PAPPA2: variants seen among roughly 807,000 people sequenced by gnomAD.
PAPPA2 encodes the protein pappalysin-2.
A neutral mutation model predicts 176.4 loss-of-function variants in PAPPA2; 86 were observed. The ratio of observed to expected loss-of-function variants is 0.49; its 90% CI spans 0.41 to 0.58. The LOEUF (loss-of-function observed/expected upper bound fraction) is 0.58. PAPPA2 is among the 20% of genes least tolerant of loss of function. The pLI is 0.00. For missense variants in PAPPA2, 2,073 were observed against 2,256.9 expected (o/e 0.92, Z 1.65); for synonymous variants, 809 against 852.2 (o/e 0.95, Z 0.88).
chr1:176,551,783 A>G (rs1650964804), intron 1 of PAPPA2, among the ~76,000 whole-genome samples: 1 of 152,172 alleles, frequency 6.6e-6, no homozygotes, highest in African/African-American at 2.4e-5. Flanking sequence ...CTCTGTGGAT[A>G]GAAATAAAGG....
At chr1:176,494,150 T>A (rs1040288798) in intron 1 of PAPPA2, among the ~76,000 whole-genome samples, 46 of 152,226 alleles carry the variant, frequency 3.0e-4, no homozygotes, top group African/African-American at 8.0e-4. Context: ...TAAATGTCAT[T>A]ACTTAATTCA....
intron 4 of PAPPA2, among the ~76,000 whole-genome samples, chr1:176,676,181 A>T (rs1173568924): frequency 6.6e-6 from 1 of 152,050 alleles, no homozygotes; most frequent in Non-Finnish European, 1.5e-5. Flanking sequence ...ATTTTCAATA[A>T]AACTAAACAT....
chr1:176,740,292 T>C, intron 14 of PAPPA2, 96 bp downstream of exon 14: 1 of 1,222,318 alleles, frequency 8.2e-7, no homozygotes, highest in South Asian at 1.5e-5. Flanking sequence ...GTTTGCTCAA[T>C]CACTAACTGA....
intron 3 of PAPPA2, among the ~76,000 whole-genome samples, chr1:176,656,521 C>T (rs376600561): frequency 1.3e-5 from 2 of 151,894 alleles, no homozygotes; most frequent in South Asian, 2.1e-4. Flanking sequence ...AATGTAATTC[C>T]ACAGGCATTA....
At chr1:176,811,304 C>G (rs1666135849) in intron 21 of PAPPA2, among the ~76,000 whole-genome samples, 1 of 152,180 alleles carries the variant, frequency 6.6e-6, no homozygotes, top group East Asian at 1.9e-4. Flanking sequence ...TTTGTTTCCT[C>G]TTTATTTATA....
chr1:176,680,460 G>A (rs956418409), intron 4 of PAPPA2, among the ~76,000 whole-genome samples: 20 of 152,094 alleles, frequency 1.3e-4, no homozygotes, highest in Non-Finnish European at 2.9e-5. Flanking sequence ...TTGTGATCAC[G>A]TTTTGTTAAA....
At chr1:176,738,485 C>T (rs1272092954) in intron 12 of PAPPA2, among the ~76,000 whole-genome samples, 1 of 152,110 alleles carries the variant, frequency 6.6e-6, no homozygotes, top group East Asian at 1.9e-4. Flanking sequence ...GTTTTACTCT[C>T]CTGCTCCCCA....
intron 2 of PAPPA2, among the ~76,000 whole-genome samples, chr1:176,559,315 G>A (rs755974203): frequency 2.6e-5 from 4 of 152,216 alleles, no homozygotes; most frequent in African/African-American, 9.6e-5. Flanking sequence ...ACACCAGAAA[G>A]GTTGAGGGCA....
chr1:176,700,523 A>G (rs1012160418), intron 8 of PAPPA2, among the ~76,000 whole-genome samples: 2 of 152,242 alleles, frequency 1.3e-5, no homozygotes, highest in African/African-American at 4.8e-5. Context: ...GACTTCCCAC[A>G]CAGCTGAGAC....
intron 3 of PAPPA2, among the ~76,000 whole-genome samples, chr1:176,629,973 C>T (rs1322097365): frequency 6.6e-6 from 1 of 151,960 alleles, no homozygotes. Context: ...GCAGGAGAAT[C>T]GCTTGAACCC....
chr1:176,779,520 A>ACAC (rs1491149982), intron 17 of PAPPA2, among the ~76,000 whole-genome samples: 2 of 99,076 alleles, frequency 2.0e-5, no homozygotes, highest in African/African-American at 3.9e-5. Flanking sequence ...ACACACACAC[A>ACAC]GAGAGAGAGA....
intron 14 of PAPPA2, among the ~76,000 whole-genome samples, chr1:176,745,884 C>T (rs1488860473): frequency 6.6e-6 from 1 of 152,168 alleles, no homozygotes; most frequent in African/African-American, 2.4e-5. Flanking sequence ...GCCTCTGGAA[C>T]ACAATTGGGA....
intron 6 of PAPPA2, 80 bp from the exon 7 acceptor site, chr1:176,695,658 A>C: frequency 6.6e-7 from 1 of 1,512,744 alleles, no homozygotes; most frequent in African/African-American, 1.4e-5. Context: ...CTCCCCACAC[A>C]AAGGTCTTTC....
At chr1:176,559,104 C>A (rs1382539141) in intron 2 of PAPPA2, among the ~76,000 whole-genome samples, 2 of 152,314 alleles carry the variant, frequency 1.3e-5, no homozygotes, top group East Asian at 3.9e-4. Context: ...CCTTGCCCAC[C>A]TGTCCACCGC....
At chr1:176,667,895 T>G (rs1658759062) in intron 3 of PAPPA2, among the ~76,000 whole-genome samples, 2 of 152,160 alleles carry the variant, frequency 1.3e-5, no homozygotes, top group African/African-American at 4.8e-5. Flanking sequence ...ACACTTTTAC[T>G]TTGTTTAGTT....
chr1:176,674,670 A>T (rs1285177776), intron 4 of PAPPA2, among the ~76,000 whole-genome samples: 1 of 149,880 alleles, frequency 6.7e-6, no homozygotes, highest in Admixed American at 6.7e-5. Context: ...TGATTAATGG[A>T]CGTTTGGACT....
intron 1 of PAPPA2, among the ~76,000 whole-genome samples, chr1:176,550,691 T>C (rs1391681163): frequency 1.3e-5 from 2 of 152,300 alleles, no homozygotes; most frequent in Non-Finnish European, 2.9e-5. Flanking sequence ...TGCTAATAAT[T>C]TATAATGGTA....
At chr1:176,652,383 C>A (rs1657777327) in intron 3 of PAPPA2, among the ~76,000 whole-genome samples, 1 of 151,604 alleles carries the variant, frequency 6.6e-6, no homozygotes, top group South Asian at 2.1e-4. Flanking sequence ...TTGCTGCCTC[C>A]TTTTCAACAC....
chr1:176,518,323 C>T (rs760081341), intron 1 of PAPPA2, among the ~76,000 whole-genome samples: 3 of 151,744 alleles, frequency 2.0e-5, no homozygotes, highest in Non-Finnish European at 4.4e-5. Flanking sequence ...TGAAAGCATC[C>T]ACGTCCCAAG....
Sources: allele counts gnomAD v4.1 joint callset (sites outside exome capture counted in the v4.1 genomes callset), GRCh38; gene constraint gnomAD v4.1.1; transcripts MANE v1.5; gene names NCBI Gene and HGNC (gene_info 2026-07-23, HGNC 2026-07-21).